The following COL25A1 variants were observed in gnomAD, a reference collection of about 807,000 sequenced individuals.
COL25A1 encodes collagen type XXV alpha 1 chain.
In COL25A1, 103 loss-of-function variants were observed where a neutral mutation model predicts 128.4. The ratio of observed to expected loss-of-function variants is 0.80; its 90% confidence interval spans 0.68 to 0.94. The LOEUF (loss-of-function observed/expected upper bound fraction) is 0.94, where lower values mean the gene tolerates loss of function less well. Ranked by LOEUF, COL25A1 falls within the 40% of genes least tolerant of loss-of-function variation. COL25A1 has a pLI of 0.00. For missense variants in COL25A1, 745 were observed against 840.0 expected (o/e 0.89, Z 1.40); for synonymous variants, 279 against 277.2 (o/e 1.01, Z -0.06).
chr4:108,857,777 G>A (rs192568580), intron 24 of COL25A1, among the ~76,000 whole-genome samples: 2 of 152,214 alleles, frequency 1.3e-5, no homozygotes, highest in East Asian at 3.9e-4. Flanking sequence ...TACGAATGAA[G>A]TATACTTATT....
intron 5 of COL25A1, among the ~76,000 whole-genome samples, chr4:109,034,645 G>A (rs1759174801): frequency 6.6e-6 from 1 of 152,070 alleles, no homozygotes; most frequent in Non-Finnish European, 1.5e-5. Flanking sequence ...AGTGTTTTAT[G>A]CACTCTGAAA....
At chr4:109,292,093 T>C (rs562490173) in intron 3 of COL25A1, among the ~76,000 whole-genome samples, 9 of 152,194 alleles carry the variant, frequency 5.9e-5, no homozygotes, top group African/African-American at 1.4e-4. Flanking sequence ...TAGTGTCCTA[T>C]GGAGTCCTAA....
intron 32 of COL25A1, among the ~76,000 whole-genome samples, chr4:108,829,387 GTATCTATCTATC>G (rs34296727): frequency 0.017 from 2,437 of 147,652 alleles, 18 homozygotes; most frequent in Middle Eastern, 0.031. Flanking sequence ...GTGTAAGTGT[GTATCTATCTATC>G]TATCTATCTA....
chr4:108,848,375 T>G (rs1735354284), intron 27 of COL25A1, among the ~76,000 whole-genome samples: 1 of 152,098 alleles, frequency 6.6e-6, no homozygotes, highest in Admixed American at 6.5e-5. Context: ...AAACATTGTC[T>G]AAAAAAGGCA....
intron 11 of COL25A1, among the ~76,000 whole-genome samples, chr4:108,921,902 C>T (rs1745535436): frequency 6.6e-6 from 1 of 152,126 alleles, no homozygotes; most frequent in Non-Finnish European, 1.5e-5. Context: ...TAAAATTCTC[C>T]CTGTTTTAGA....
chr4:109,100,550 T>G (rs1765804574), intron 3 of COL25A1, among the ~76,000 whole-genome samples: 1 of 152,172 alleles, frequency 6.6e-6, no homozygotes, highest in Admixed American at 6.5e-5. Flanking sequence ...GGAGAATTCA[T>G]TTTTTCATTT....
intron 5 of COL25A1, among the ~76,000 whole-genome samples, chr4:109,034,794 T>A (rs1223828874): frequency 6.6e-6 from 1 of 152,210 alleles, no homozygotes; most frequent in Non-Finnish European, 1.5e-5. Flanking sequence ...TATATATGCA[T>A]CACTTTGAAA....
intron 3 of COL25A1, among the ~76,000 whole-genome samples, chr4:109,068,160 T>A (rs1762616829): frequency 6.6e-6 from 1 of 152,202 alleles, no homozygotes; most frequent in African/African-American, 2.4e-5. Context: ...TAATCTCCTG[T>A]ATTATTGCTT....
intron 3 of COL25A1, among the ~76,000 whole-genome samples, chr4:109,114,073 A>G (rs1767294709): frequency 6.6e-6 from 1 of 152,128 alleles, no homozygotes; most frequent in African/African-American, 2.4e-5. Flanking sequence ...CAATGATAAT[A>G]GTTCTTGAAC....
In COL25A1 at chr4:109,217,658, C is replaced by T. The variant is rs904065444; in HGVS notation, c.367+82925G>A. Among the ~76,000 whole-genome samples the T allele has an allele frequency of 3.3e-5, 5 of 152,164 alleles. No homozygotes were observed. In the East Asian group the frequency reaches 7.7e-4, roughly 24 times the overall value. On this transcript the variant is annotated intron_variant, in intron 3 of 37. Coordinates refer to ENST00000399132, the MANE Select transcript of COL25A1 (RefSeq NM_198721.4). ...GTGAGGGATTGGTTCCACAACCTCC[C>T]GAGGATACCATAATCCACGGAGTCC... is the stretch of plus-strand genomic sequence containing the variant.
intron 3 of COL25A1, among the ~76,000 whole-genome samples, chr4:109,099,492 A>C (rs1037866128): frequency 6.6e-6 from 1 of 152,120 alleles, no homozygotes; most frequent in Non-Finnish European, 1.5e-5. Context: ...ATTACAAATG[A>C]AATATTTATA....
At chr4:108,834,420 T>C in intron 31 of COL25A1, 16 of 1,549,126 alleles carry the variant, frequency 1.0e-5, no homozygotes, top group Non-Finnish European at 1.4e-5. Flanking sequence ...GCAGGGTTGG[T>C]GGGTGTAACA....
intron 32 of COL25A1, among the ~76,000 whole-genome samples, chr4:108,831,104 T>C (rs1428491352): frequency 6.7e-6 from 1 of 148,434 alleles, no homozygotes; most frequent in Non-Finnish European, 1.5e-5. Flanking sequence ...ATTTCCTTCA[T>C]GCATTTTTTT....
At chr4:108,921,239 T>C (rs1172611183) in intron 11 of COL25A1, among the ~76,000 whole-genome samples, 1 of 152,164 alleles carries the variant, frequency 6.6e-6, no homozygotes, top group African/African-American at 2.4e-5. Flanking sequence ...GGAGGAGATT[T>C]AGTGAGATGA....
intron 3 of COL25A1, among the ~76,000 whole-genome samples, chr4:109,136,142 A>C (rs1769722826): frequency 1.3e-5 from 2 of 152,150 alleles, no homozygotes; most frequent in Admixed American, 6.5e-5. Flanking sequence ...TCACATCTGT[A>C]ATCCTAGCAC....
intron 3 of COL25A1, among the ~76,000 whole-genome samples, chr4:109,219,039 G>A (rs537444011): frequency 6.6e-6 from 1 of 152,142 alleles, no homozygotes; most frequent in East Asian, 1.9e-4. Context: ...AAATTTCTAG[G>A]AGTCAGAGCA....
intron 8 of COL25A1, among the ~76,000 whole-genome samples, chr4:108,955,210 A>G (rs1749930579): frequency 6.6e-6 from 1 of 151,436 alleles, no homozygotes; most frequent in African/African-American, 2.4e-5. Flanking sequence ...AGTAAGACAC[A>G]TTAAAGAGAG....
intron 3 of COL25A1, among the ~76,000 whole-genome samples, chr4:109,064,385 T>C (rs1376969963): frequency 1.3e-5 from 2 of 152,240 alleles, no homozygotes; most frequent in Non-Finnish European, 2.9e-5. Context: ...AGTTTAGTTT[T>C]GTAGACATAA....
intron 16 of COL25A1, among the ~76,000 whole-genome samples, 169 bp from the exon 17 acceptor site, chr4:108,889,902 G>C (rs1429630007): frequency 6.6e-6 from 1 of 152,084 alleles, no homozygotes; most frequent in South Asian, 2.1e-4. Context: ...TAAGATCTAC[G>C]TTCCATAAGA....
Sources: allele counts gnomAD v4.1 joint callset (sites outside exome capture counted in the v4.1 genomes callset), GRCh38; gene constraint gnomAD v4.1.1; transcripts MANE v1.5; gene names NCBI Gene and HGNC (gene_info 2026-07-23, HGNC 2026-07-21).